Variants in ZRANB3 observed in about 807,000 individuals in gnomAD.
ZRANB3 encodes the protein zinc finger RANBP2-type containing 3, also known as DNA annealing helicase and endonuclease ZRANB3.
A neutral mutation model predicts 133.8 loss-of-function variants in ZRANB3; 125 were observed. That is an observed-to-expected ratio of 0.93 (90% CI 0.81 to 1.08). The LOEUF is 1.08. ZRANB3 is among the 50% of genes least tolerant of loss of function. ZRANB3 has a pLI of 0.00. For missense variants in ZRANB3, 1,229 were observed against 1,275.5 expected (o/e 0.96, Z 0.56); for synonymous variants, 387 against 432.7 (o/e 0.89, Z 1.31).
intron 2 of ZRANB3, among the ~76,000 whole-genome samples, chr2:135,469,828 C>T (rs764117604): frequency 1.1e-4 from 17 of 149,812 alleles, no homozygotes; most frequent in Non-Finnish European, 2.2e-4. Flanking sequence ...CTGGATAACA[C>T]GGTGAAACCC....
At chr2:135,327,985 T>C (rs987148073) in intron 6 of ZRANB3, among the ~76,000 whole-genome samples, 1 of 152,152 alleles carries the variant, frequency 6.6e-6, no homozygotes, top group Non-Finnish European at 1.5e-5. Context: ...CTTTATGTAC[T>C]TAAGTAGAGA....
chr2:135,392,363 G>C (rs913013511), intron 2 of ZRANB3, among the ~76,000 whole-genome samples: 1 of 129,476 alleles, frequency 7.7e-6, no homozygotes, highest in Non-Finnish European at 1.6e-5. Flanking sequence ...AAAGGGGGGG[G>C]GGGCAGGAAA....
chr2:135,261,922 G>A (rs1679984681), intron 12 of ZRANB3, among the ~76,000 whole-genome samples: 1 of 152,076 alleles, frequency 6.6e-6, no homozygotes, highest in South Asian at 2.1e-4. Context: ...CATTTTGGGA[G>A]GCTGAGGTGG....
chr2:135,496,277 G>A (rs1040989022), intron 2 of ZRANB3, among the ~76,000 whole-genome samples: 2 of 151,220 alleles, frequency 1.3e-5, no homozygotes, highest in Non-Finnish European at 2.9e-5. Context: ...CCAGCTACTC[G>A]GAAGGCTGAG....
chr2:135,420,122 T>A (rs1303046643), intron 2 of ZRANB3, among the ~76,000 whole-genome samples: 3 of 88,146 alleles, frequency 3.4e-5, no homozygotes, highest in African/African-American at 1.9e-4. Context: ...TATATATATA[T>A]ATAACTTATA....
intron 8 of ZRANB3, among the ~76,000 whole-genome samples, chr2:135,282,298 G>A (rs554194402): frequency 6.6e-6 from 1 of 152,208 alleles, no homozygotes; most frequent in East Asian, 1.9e-4. Context: ...ACCACAAAAG[G>A]AAGGCTAGAC....
Position 135,269,006 on chromosome 2 carries a change from T to C in ZRANB3, c.1342A>G (p.Asn448Asp), listed in dbSNP as rs1459104804. 9 of 1,609,816 alleles carry C rather than the reference T, an allele frequency of 5.6e-6. No individual in the cohort carries two copies. Among genetic ancestry groups the C allele is most frequent in the African/African-American group, 2.7e-5 (2 of 74,654 alleles). The change falls in exon 11 of 21, where the codon AAT becomes GAT. Residue 448 changes from asparagine to aspartate, a missense_variant. By Grantham distance (23) the Asn-to-Asp change is conservative. Transcript: ENST00000264159. ...SSVNIHYLIA[N>D]GTLDTLMWGM... ...CACATAAGGGTGTCTAGGGTTCCAT[T>C]TGCAATAAGGTAGTGAATATTCACA... is the stretch of plus-strand genomic sequence containing the variant.
chr2:135,374,316 G>A (rs1012579266), intron 3 of ZRANB3, among the ~76,000 whole-genome samples: 3 of 152,006 alleles, frequency 2.0e-5, no homozygotes, highest in African/African-American at 7.2e-5. Context: ...TGAGGCAGGA[G>A]AACTGCTTGA....
At chr2:135,231,827 A>G (rs949367613) in intron 12 of ZRANB3, among the ~76,000 whole-genome samples, 7 of 151,890 alleles carry the variant, frequency 4.6e-5, no homozygotes, top group Non-Finnish European at 7.4e-5. Context: ...TGGAGCCAAG[A>G]TGGCCGAATA....
At chr2:135,417,779 C>T (rs1440015453) in intron 2 of ZRANB3, among the ~76,000 whole-genome samples, 1 of 152,082 alleles carries the variant, frequency 6.6e-6, no homozygotes, top group Non-Finnish European at 1.5e-5. Flanking sequence ...TACTATGCAG[C>T]CATAAAAAGT....
At chr2:135,336,199 T>C (rs557815513) in intron 6 of ZRANB3, among the ~76,000 whole-genome samples, 5 of 152,370 alleles carry the variant, frequency 3.3e-5, no homozygotes, top group African/African-American at 1.2e-4. Flanking sequence ...GCTGGTTACC[T>C]ATACCCTAAC....
chr2:135,240,921 T>A (rs547137682), intron 12 of ZRANB3, among the ~76,000 whole-genome samples: 1 of 152,314 alleles, frequency 6.6e-6, no homozygotes, highest in African/African-American at 2.4e-5. Context: ...TTCCAATATC[T>A]GTTGTTGCTG....
intron 5 of ZRANB3, among the ~76,000 whole-genome samples, chr2:135,348,893 C>T (rs931887853): frequency 1.3e-5 from 2 of 152,072 alleles, no homozygotes; most frequent in East Asian, 1.9e-4. Context: ...TGAGTCCAGC[C>T]GACTCTCTGG....
At position 135,361,752 on chromosome 2, in the gene ZRANB3, C is replaced by G. The variant is rs548844682; in HGVS notation, c.181-8124G>C. ...GATTTCAATTAAGAAAGAAAACCCG[C>G]ATAAAGAAATAGCAGACTGAAATAC... On this transcript the variant is annotated intron_variant, in intron 3 of 20. Transcript: ENST00000264159. 2.2e-4 allele frequency among the ~76,000 whole-genome samples: 33 copies of G among 152,254 alleles called. No individual in the cohort carries two copies. The South Asian group carries it at 5.8e-3, about 27-fold the overall frequency.
chr2:135,258,698 T>C (rs1679787699), intron 12 of ZRANB3, among the ~76,000 whole-genome samples: 1 of 152,208 alleles, frequency 6.6e-6, no homozygotes. Flanking sequence ...ACTAATTACA[T>C]AATAATTACA....
At chr2:135,347,459 A>AT (rs1684992086) in intron 5 of ZRANB3, among the ~76,000 whole-genome samples, 1 of 151,918 alleles carries the variant, frequency 6.6e-6, no homozygotes, top group East Asian at 1.9e-4. Flanking sequence ...CGCCCGGCTA[A>AT]TTTTTTTGTA....
intron 2 of ZRANB3, among the ~76,000 whole-genome samples, chr2:135,499,306 G>A (rs1424074110): frequency 6.6e-6 from 1 of 152,172 alleles, no homozygotes; most frequent in Non-Finnish European, 1.5e-5. Flanking sequence ...GATGAAAGAA[G>A]TGCCAGCCAT....
At chr2:135,465,465 G>GGTT (rs1218297840) in intron 2 of ZRANB3, among the ~76,000 whole-genome samples, 1 of 152,188 alleles carries the variant, frequency 6.6e-6, no homozygotes, top group Non-Finnish European at 1.5e-5. Context: ...TGGTTCCTAT[G>GGTT]ATAACGAAAT....
intron 8 of ZRANB3, among the ~76,000 whole-genome samples, chr2:135,297,412 G>A (rs905048975): frequency 1.4e-4 from 22 of 152,082 alleles, no homozygotes; most frequent in African/African-American, 3.9e-4. Flanking sequence ...TGCCGTTTGT[G>A]AAGCCCATTG....
Sources: gnomAD v4.1 joint callset for allele counts (sites outside exome capture counted in the v4.1 genomes callset) on GRCh38, gnomAD v4.1.1 for gene constraint, MANE v1.5 for transcripts, NCBI Gene and HGNC (gene_info 2026-07-23, HGNC 2026-07-21) for gene names.